FAM110B: variants seen among roughly 807,000 people sequenced by gnomAD.
FAM110B encodes family with sequence similarity 110 member B.
In FAM110B, 6 loss-of-function variants were observed where a neutral mutation model predicts 20.4. That is an observed-to-expected ratio of 0.29 (90% CI 0.16 to 0.58). The LOEUF is 0.58. Ranked by LOEUF, FAM110B falls within the 20% of genes least tolerant of loss-of-function variation. FAM110B has a pLI of 0.90. For synonymous variants in FAM110B, 226 were observed against 214.1 expected (o/e 1.06, Z -0.49); for missense variants, 434 against 498.2 (o/e 0.87, Z 1.23).
chr8:58,003,417 T>C (rs1804340586), intron 1 of FAM110B, among the ~76,000 whole-genome samples: 1 of 152,252 alleles, frequency 6.6e-6, no homozygotes, highest in African/African-American at 2.4e-5. Context: ...TAATGGTATT[T>C]AGAATGGTGA....
chr8:58,075,136 C>T (rs899720754), intron 2 of FAM110B, among the ~76,000 whole-genome samples: 3 of 151,602 alleles, frequency 2.0e-5, no homozygotes, highest in Non-Finnish European at 4.4e-5. Context: ...GACAGAGTCT[C>T]GCTCTGTCAC....
chr8:58,130,095 C>A (rs1427342483), intron 3 of FAM110B, among the ~76,000 whole-genome samples: 1 of 152,064 alleles, frequency 6.6e-6, no homozygotes, highest in East Asian at 1.9e-4. Context: ...TATAGGAATC[C>A]CCTCTAAAAT....
intron 3 of FAM110B, among the ~76,000 whole-genome samples, chr8:58,128,367 C>T (rs1383730444): frequency 6.6e-6 from 1 of 152,178 alleles, no homozygotes; most frequent in Non-Finnish European, 1.5e-5. Flanking sequence ...AGGATTCTCA[C>T]ATCAAGTGCT....
At chr8:58,020,662 T>C (rs988956679) in intron 1 of FAM110B, among the ~76,000 whole-genome samples, 2 of 152,216 alleles carry the variant, frequency 1.3e-5, no homozygotes, top group African/African-American at 4.8e-5. Context: ...ATCATCAGAG[T>C]ATATGGGCTA....
intron 3 of FAM110B, 96 bp downstream of exon 3, chr8:58,075,719 G>A (rs1352422738): frequency 1.3e-5 from 2 of 151,706 alleles, no homozygotes; most frequent in African/African-American, 4.8e-5. Flanking sequence ...AAGAAGCTGA[G>A]GTTTCAGATA....
intron 2 of FAM110B, among the ~76,000 whole-genome samples, chr8:58,074,202 CTT>C (rs1805975786): frequency 6.6e-6 from 1 of 152,168 alleles, no homozygotes; most frequent in African/African-American, 2.4e-5. Context: ...CTGTTGCTCT[CTT>C]AACTCTAACT....
chr8:58,148,171 T>TTG lies in FAM110B; in HGVS notation c.*829_*830insGT, dbSNP rs1585927223. The TTG allele has an allele frequency of 1.3e-5, 2 of 151,724 alleles. No homozygotes were observed. The highest frequency in any genetic ancestry group is 3.2e-5 in the Non-Finnish European group (2 of 62,808). 9.4% of individuals were successfully genotyped at this position (151,724 alleles called of 1,614,324 possible). A position where few individuals can be genotyped will look rare whatever the true frequency, so the allele number is the denominator to read the frequency against. On this transcript the variant is annotated 3_prime_UTR_variant, in exon 4 of 4. Transcript: ENST00000519262. ...AAAAAAAGTTGTGGTTTTTTGTTTTTTTTTTTTTTTTTTTTGGTCGAGAAC... is the reference window on the plus strand; with the variant it reads ...AAAAAAAGTTGTGGTTTTTTGTTTTTTGTTTTTTTTTTTTTTTGGTCGAGAAC...
At chr8:58,057,227 G>A (rs1040809795) in intron 2 of FAM110B, among the ~76,000 whole-genome samples, 2 of 152,128 alleles carry the variant, frequency 1.3e-5, no homozygotes, top group African/African-American at 4.8e-5. Context: ...TGAGAGCACC[G>A]GACAGACGAG....
At position 58,008,402 on chromosome 8, in the gene FAM110B, G is replaced by A. The variant is rs560648746; in HGVS notation, c.-512+13596G>A. 1.4e-3 allele frequency among the ~76,000 whole-genome samples: 213 copies of A among 152,092 alleles called. 3 individuals carry two copies. Among genetic ancestry groups the A allele is most frequent in the African/African-American group, 5.0e-3 (206 of 41,482 alleles). ...CCCTCCTCGGCCTCTCAAAGTACTG[G>A]GATTACAGGCGTGAGCCACTGCGCC... On this transcript the variant is annotated intron_variant, in intron 1 of 3. Coordinates refer to ENST00000519262, the MANE Select transcript of FAM110B (RefSeq NM_001377989.1).
chr8:58,078,842 G>A (rs750932772), intron 3 of FAM110B, among the ~76,000 whole-genome samples: 41 of 152,004 alleles, frequency 2.7e-4, no homozygotes, highest in Non-Finnish European at 4.9e-4. Context: ...GAGCCACCGC[G>A]CCCGGCCAGA....
At chr8:58,120,171 A>T (rs767613491) in intron 3 of FAM110B, among the ~76,000 whole-genome samples, 2 of 151,832 alleles carry the variant, frequency 1.3e-5, no homozygotes, top group East Asian at 1.9e-4. Flanking sequence ...TTTGCACATA[A>T]TTTTTTTTTA....
chr8:58,023,552 C>G (rs1804797877), intron 1 of FAM110B, among the ~76,000 whole-genome samples: 1 of 152,208 alleles, frequency 6.6e-6, no homozygotes, highest in South Asian at 2.1e-4. Flanking sequence ...CCCTACCATT[C>G]TCTCCTGCCT....
At chr8:58,052,515 A>C (rs1805467680) in intron 2 of FAM110B, among the ~76,000 whole-genome samples, 1 of 152,146 alleles carries the variant, frequency 6.6e-6, no homozygotes, top group African/African-American at 2.4e-5. Flanking sequence ...ATATAGCAGG[A>C]AACAAAAACT....
intron 2 of FAM110B, among the ~76,000 whole-genome samples, chr8:58,057,234 C>T (rs1435106861): frequency 2.6e-5 from 4 of 152,176 alleles, no homozygotes; most frequent in Non-Finnish European, 4.4e-5. Flanking sequence ...ACCGGACAGA[C>T]GAGCTCTCCA....
chr8:58,041,394 C>G (rs890753061), intron 2 of FAM110B, among the ~76,000 whole-genome samples: 12 of 152,128 alleles, frequency 7.9e-5, no homozygotes, highest in Admixed American at 1.3e-4. Flanking sequence ...CTATGTTACC[C>G]TTCTGTCCAC....
At chr8:57,995,859 T>C (rs778253806) in intron 1 of FAM110B, among the ~76,000 whole-genome samples, 2 of 152,226 alleles carry the variant, frequency 1.3e-5, no homozygotes, top group African/African-American at 2.4e-5. Flanking sequence ...CTGGCACACA[T>C]CTGTGACAAC....
intron 3 of FAM110B, among the ~76,000 whole-genome samples, chr8:58,130,092 A>G (rs1166298163): frequency 6.6e-6 from 1 of 152,202 alleles, no homozygotes; most frequent in African/African-American, 2.4e-5. Flanking sequence ...CATTATAGGA[A>G]TCCCCTCTAA....
intron 2 of FAM110B, among the ~76,000 whole-genome samples, chr8:58,039,541 C>T (rs1191439258): frequency 1.3e-5 from 2 of 152,216 alleles, no homozygotes; most frequent in Admixed American, 6.5e-5. Flanking sequence ...CACTAGTACT[C>T]TTCTCACAAT....
intron 3 of FAM110B, among the ~76,000 whole-genome samples, chr8:58,137,933 A>C (rs541851186): frequency 1.3e-5 from 2 of 152,322 alleles, no homozygotes; most frequent in South Asian, 4.1e-4. Flanking sequence ...GTCCAGTTAA[A>C]CTGGTTTCTC....
Sources: gnomAD v4.1 joint callset for allele counts (sites outside exome capture counted in the v4.1 genomes callset) on GRCh38, gnomAD v4.1.1 for gene constraint, MANE v1.5 for transcripts, NCBI Gene and HGNC (gene_info 2026-07-23, HGNC 2026-07-21) for gene names.